Variants in RBFOX1 observed in about 807,000 individuals in gnomAD.
RBFOX1 encodes the protein RNA binding fox-1 homolog 1.
RBFOX1 carries 8 observed loss-of-function variants against 57.7 expected under a neutral mutation model. The observed-to-expected ratio is 0.14, with a 90% CI of 0.08 to 0.25. RBFOX1 has a LOEUF of 0.25. Among genes scored for constraint, RBFOX1 ranks in the 10% least tolerant of loss-of-function variants. The pLI is 1.00. For missense variants in RBFOX1, 611 were observed against 548.5 expected (o/e 1.11, Z -1.14); for synonymous variants, 326 against 222.4 (o/e 1.47, Z -4.15).
intron 3 of RBFOX1, among the ~76,000 whole-genome samples, chr16:6,960,578 C>T (rs1598428471): frequency 1.3e-5 from 2 of 152,060 alleles, no homozygotes; most frequent in Admixed American, 6.6e-5. Context: ...GCCCTTCTTA[C>T]CTCCTTCCAA....
chr16:7,383,352 C>T (rs1251814912), intron 4 of RBFOX1, among the ~76,000 whole-genome samples: 1 of 151,524 alleles, frequency 6.6e-6, no homozygotes, highest in East Asian at 1.9e-4. Context: ...TTAGGCTCCC[C>T]AGTGGAGGCA....
intron 3 of RBFOX1, among the ~76,000 whole-genome samples, chr16:5,660,351 G>C (rs967294109): frequency 6.6e-6 from 1 of 152,110 alleles, no homozygotes; most frequent in African/African-American, 2.4e-5. Context: ...CGCGTTTTCG[G>C]CTTAGCTGGT....
chr16:6,067,090 C>A (rs2122996), intron 1 of RBFOX1, among the ~76,000 whole-genome samples: 59,639 of 151,910 alleles, frequency 0.39, 12,276 homozygotes, highest in Non-Finnish European at 0.44. Context: ...AAGTCACTGC[C>A]GAGTCCCTCT....
At chr16:6,688,714 A>G (rs778315116) in intron 3 of RBFOX1, among the ~76,000 whole-genome samples, 5 of 152,138 alleles carry the variant, frequency 3.3e-5, no homozygotes, top group Non-Finnish European at 7.4e-5. Flanking sequence ...AGGTATACAC[A>G]TGCCATGGTG....
intron 3 of RBFOX1, among the ~76,000 whole-genome samples, chr16:6,966,915 C>G (rs200740546): frequency 0.56 from 84,541 of 151,074 alleles, 24,028 homozygotes; most frequent in Non-Finnish European, 0.6. Flanking sequence ...ATCCATCCAT[C>G]CATCCATCCA....
rs79776365 is a variant in RBFOX1 at position 6,050,013 on chromosome 16, C to T, written c.-127+30021C>T. 8.3e-3 allele frequency among the ~76,000 whole-genome samples: 1,223 copies of T among 148,160 alleles called. 20 individuals are homozygous for T. Among genetic ancestry groups the T allele is most frequent in the African/African-American group, 0.028 (1,116 of 40,074 alleles). On this transcript the variant is annotated intron_variant, in intron 1 of 15. Coordinates refer to ENST00000550418, the MANE Select transcript of RBFOX1 (RefSeq NM_018723.4). ...CTCTGTCGTTCAGGCTGGGGTACAG[C>T]GGCGTGATCTCAAAGGCTCACTGCA...
intron 3 of RBFOX1, among the ~76,000 whole-genome samples, chr16:5,700,873 A>G (rs181427428): frequency 3.3e-5 from 5 of 152,294 alleles, no homozygotes; most frequent in Admixed American, 3.3e-4. Context: ...GTTGTAGGTC[A>G]CATGTCCACT....
intron 4 of RBFOX1, among the ~76,000 whole-genome samples, chr16:5,897,196 C>T (rs1364768944): frequency 1.3e-5 from 2 of 151,818 alleles, no homozygotes; most frequent in African/African-American, 2.4e-5. Flanking sequence ...CCACCGCGCC[C>T]GGCTAATTTT....
intron 3 of RBFOX1, among the ~76,000 whole-genome samples, chr16:6,676,140 GCGCA>G (rs1465577538): frequency 0.016 from 435 of 27,866 alleles, 1 homozygote; most frequent in African/African-American, 0.027. Flanking sequence ...ACACACACAC[GCGCA>G]CACACACACA....
intron 3 of RBFOX1, among the ~76,000 whole-genome samples, chr16:5,642,462 A>C (rs1197742416): frequency 6.6e-6 from 1 of 152,190 alleles, no homozygotes; most frequent in African/African-American, 2.4e-5. Flanking sequence ...CTGAGGATGA[A>C]AAGCCTTCTG....
chr16:5,813,967 C>T (rs1035017606), intron 3 of RBFOX1, among the ~76,000 whole-genome samples: 6 of 152,296 alleles, frequency 3.9e-5, no homozygotes, highest in African/African-American at 1.4e-4. Context: ...ATGGCAAAAA[C>T]CACAATTACT....
chr16:5,775,935 G>T (rs995612534), intron 3 of RBFOX1, among the ~76,000 whole-genome samples: 3 of 152,178 alleles, frequency 2.0e-5, no homozygotes, highest in African/African-American at 7.2e-5. Flanking sequence ...AGGTGCCCCT[G>T]TTCTTGTCTG....
chr16:6,029,772 CAA>C (rs57851398), intron 1 of RBFOX1, among the ~76,000 whole-genome samples: 3 of 102,336 alleles, frequency 2.9e-5, no homozygotes, highest in African/African-American at 4.0e-5. Flanking sequence ...GACTCCGTCT[CAA>C]AAAAAAAAAA....
chr16:5,776,252 T>C (rs2151691431), intron 3 of RBFOX1, among the ~76,000 whole-genome samples: 1 of 152,352 alleles, frequency 6.6e-6, no homozygotes, highest in Middle Eastern at 3.4e-3. Context: ...CGTTGATTTG[T>C]ATTCAGAAGG....
At chr16:5,939,701 TA>T (rs898433986) in intron 4 of RBFOX1, among the ~76,000 whole-genome samples, 1 of 150,774 alleles carries the variant, frequency 6.6e-6, no homozygotes, top group African/African-American at 2.4e-5. Flanking sequence ...CTCCATTTTT[TA>T]AAAAAAAAAG....
intron 3 of RBFOX1, among the ~76,000 whole-genome samples, chr16:6,962,487 G>A (rs566365399): frequency 1.9e-4 from 29 of 152,236 alleles, no homozygotes; most frequent in Middle Eastern, 3.4e-3. Context: ...TAATATAGCC[G>A]CAGTGTGTCC....
At chr16:5,524,619 C>G (rs1255497280) in intron 2 of RBFOX1, among the ~76,000 whole-genome samples, 1 of 151,516 alleles carries the variant, frequency 6.6e-6, no homozygotes, top group East Asian at 1.9e-4. Context: ...TGGCTCACTG[C>G]AACCTCTGTG....
intron 4 of RBFOX1, among the ~76,000 whole-genome samples, chr16:5,911,733 G>C (rs536753574): frequency 6.6e-6 from 1 of 152,170 alleles, no homozygotes; most frequent in Admixed American, 6.5e-5. Flanking sequence ...TGTCTGGTGA[G>C]AGTCCACATT....
intron 2 of RBFOX1, among the ~76,000 whole-genome samples, chr16:5,497,548 G>A (rs929655764): frequency 9.3e-5 from 14 of 150,806 alleles, no homozygotes; most frequent in African/African-American, 3.5e-4. Flanking sequence ...GGTGAGAGGC[G>A]GGTGAATCAC....
Sources: allele counts gnomAD v4.1 joint callset (sites outside exome capture counted in the v4.1 genomes callset), GRCh38; gene constraint gnomAD v4.1.1; transcripts MANE v1.5; gene names NCBI Gene and HGNC (gene_info 2026-07-23, HGNC 2026-07-21).